Variants in COMMD1 observed in about 807,000 individuals in gnomAD.
COMMD1 encodes the protein copper metabolism domain containing 1, also known as COMM domain-containing protein 1.
COMMD1 carries 10 observed loss-of-function variants against 17.2 expected under a neutral mutation model. The ratio of observed to expected loss-of-function variants is 0.58; its 90% CI spans 0.36 to 0.99. The LOEUF is 0.99. Among genes scored for constraint, COMMD1 ranks in the 50% least tolerant of loss-of-function variants. COMMD1 has a pLI of 0.01. For synonymous variants in COMMD1, 97 were observed against 91.6 expected (o/e 1.06, Z -0.34); for missense variants, 270 against 231.8 (o/e 1.17, Z -1.07).
At chr2:62,023,016 C>A (rs1019753246) in intron 2 of COMMD1, among the ~76,000 whole-genome samples, 5 of 152,182 alleles carry the variant, frequency 3.3e-5, no homozygotes, top group African/African-American at 1.2e-4. Flanking sequence ...CACCTGAGGT[C>A]AGGAGTTCGA....
intron 2 of COMMD1, among the ~76,000 whole-genome samples, chr2:62,104,674 A>ATCCC (rs1465042111): frequency 2.6e-5 from 4 of 151,042 alleles, no homozygotes; most frequent in Non-Finnish European, 4.4e-5. Context: ...CAACAAACAC[A>ATCCC]TCCCTTACTT....
chr2:61,990,136 A>G (rs1045000074), intron 1 of COMMD1, among the ~76,000 whole-genome samples: 2 of 152,236 alleles, frequency 1.3e-5, no homozygotes, highest in Non-Finnish European at 2.9e-5. Context: ...TAGAGATAGA[A>G]TATACACTTA....
intron 2 of COMMD1, among the ~76,000 whole-genome samples, chr2:62,030,166 G>A (rs189145319): frequency 3.7e-4 from 57 of 152,312 alleles, no homozygotes; most frequent in Non-Finnish European, 4.3e-4. Flanking sequence ...GGCTCTCTCT[G>A]GGATGGGGGT....
chr2:62,011,636 G>T (rs1166493851), intron 2 of COMMD1, among the ~76,000 whole-genome samples: 3 of 152,106 alleles, frequency 2.0e-5, no homozygotes, highest in Admixed American at 6.5e-5. Flanking sequence ...CACTACATAG[G>T]AGTTGAGGAT....
At chr2:62,071,874 T>C (rs1671208526) in intron 2 of COMMD1, among the ~76,000 whole-genome samples, 1 of 151,992 alleles carries the variant, frequency 6.6e-6, no homozygotes, top group Non-Finnish European at 1.5e-5. Context: ...AAAATGGAGA[T>C]CATAAGACTG....
chr2:61,935,180 A>C (rs776885138), intron 1 of COMMD1, among the ~76,000 whole-genome samples: 7 of 152,240 alleles, frequency 4.6e-5, no homozygotes, highest in Non-Finnish European at 7.3e-5. Context: ...ACTTCAAGTC[A>C]GGAGGATGGG....
At chr2:62,056,323 TCTC>T (rs1670699352) in intron 2 of COMMD1, among the ~76,000 whole-genome samples, 1 of 152,346 alleles carries the variant, frequency 6.6e-6, no homozygotes, top group East Asian at 1.9e-4. Flanking sequence ...ACACACATCT[TCTC>T]TTATGCACAG....
At chr2:62,075,635 A>C (rs975872510) in intron 2 of COMMD1, among the ~76,000 whole-genome samples, 8 of 152,210 alleles carry the variant, frequency 5.3e-5, no homozygotes, top group African/African-American at 1.9e-4. Flanking sequence ...AAGGCTTCAT[A>C]ATTCATGAGG....
rs567465084 is a variant in COMMD1 at position 62,014,306 on chromosome 2, G to T, written c.462+13324G>T. Reference sequence around the variant, plus strand: ...TAAGAGGACTTGGAAGCAATTTTTGGATATAAATCCCTTGTCCTAAACTCA... The same window carrying T: ...TAAGAGGACTTGGAAGCAATTTTTGTATATAAATCCCTTGTCCTAAACTCA... On this transcript the variant is annotated intron_variant, in intron 2 of 2. Transcript: ENST00000311832. Among the ~76,000 whole-genome samples, 230 of 152,122 alleles carry T rather than the reference G, an allele frequency of 1.5e-3. 2 individuals carry two copies. The highest frequency in any genetic ancestry group is 4.4e-3 in the African/African-American group (181 of 41,494).
At chr2:62,038,611 G>A (rs1399617349) in intron 2 of COMMD1, among the ~76,000 whole-genome samples, 1 of 151,842 alleles carries the variant, frequency 6.6e-6, no homozygotes, top group African/African-American at 2.4e-5. Flanking sequence ...ACAGTGGCAC[G>A]ATCTTGGCTT....
intron 1 of COMMD1, among the ~76,000 whole-genome samples, chr2:61,967,976 C>A (rs1671546725): frequency 6.6e-6 from 1 of 152,138 alleles, no homozygotes; most frequent in African/African-American, 2.4e-5. Context: ...GCCTGGCCAA[C>A]ACAATGAAAC....
intron 2 of COMMD1, among the ~76,000 whole-genome samples, chr2:62,121,371 C>CAAAAAAAAAAAAAAAAAA (rs55789110): frequency 4.2e-5 from 2 of 47,230 alleles, no homozygotes; most frequent in African/African-American, 1.9e-4. Context: ...GACTCTTTCT[C>CAAAAAAAAAAAAAAAAAA]AAAAAAAAAA....
intron 2 of COMMD1, among the ~76,000 whole-genome samples, chr2:62,064,628 C>G (rs1436574779): frequency 6.6e-6 from 1 of 152,174 alleles, no homozygotes; most frequent in Non-Finnish European, 1.5e-5. Context: ...TCTCAATTCC[C>G]TCTCTGGCTT....
At position 62,000,882 on chromosome 2, in the gene COMMD1, G is replaced by A. The variant is rs375574821; in HGVS notation, c.362G>A (p.Gly121Asp). ...NQSRWNSGLRGLSWRVDGKSQ... is the reference protein window; with the variant it reads ...NQSRWNSGLRDLSWRVDGKSQ... ...AGCCGCTGGAATAGCGGGCTTCGGG[G>A]CCTGAGCTGGAGAGTTGATGGCAAG... The change falls in exon 2 of 3, where the codon GGC becomes GAC. Residue 121 changes from glycine (G) to aspartate (D), a missense_variant. Coordinates refer to ENST00000311832, the MANE Select transcript of COMMD1 (RefSeq NM_152516.4). The A allele has an allele frequency of 9.3e-6, 15 of 1,614,046 alleles. No homozygotes were observed. The African/African-American group carries it at 1.9e-4, about 20-fold the overall frequency.
chr2:61,949,504 GA>G (rs1245932251), intron 1 of COMMD1, among the ~76,000 whole-genome samples: 2 of 152,184 alleles, frequency 1.3e-5, no homozygotes, highest in Non-Finnish European at 2.9e-5. Context: ...CTTACCCATG[GA>G]TGCAATAGGT....
At chr2:61,933,706 C>T (rs1670529072) in intron 1 of COMMD1, among the ~76,000 whole-genome samples, 1 of 152,122 alleles carries the variant, frequency 6.6e-6, no homozygotes, top group South Asian at 2.1e-4. Flanking sequence ...TACCCAGTCT[C>T]AGGTATTCAG....
At chr2:62,124,334 A>G (rs764328844) in intron 2 of COMMD1, among the ~76,000 whole-genome samples, 36 of 152,122 alleles carry the variant, frequency 2.4e-4, no homozygotes, top group Non-Finnish European at 5.3e-4. Flanking sequence ...AGTTCCTGCC[A>G]ATAGTCCTAA....
Position 61,917,314 on chromosome 2 carries a change from GC to G in COMMD1, c.180+11458del, listed in dbSNP as rs1365948926. 2.0e-5 allele frequency among the ~76,000 whole-genome samples: 3 copies of G among 151,234 alleles called. No homozygotes were observed. In the East Asian group the frequency reaches 5.9e-4, roughly 30 times the overall value. On this transcript the variant is annotated intron_variant, in intron 1 of 2. Coordinates refer to ENST00000311832, the MANE Select transcript of COMMD1 (RefSeq NM_152516.4). The stretch of plus-strand genomic sequence containing the variant: ...GGAGGTTGCAGTGAGCCGAGATTGT[GC>G]CACTGTACTCCAGCCTGGGAGACAG...
intron 2 of COMMD1, among the ~76,000 whole-genome samples, chr2:62,035,432 G>C (rs1670012423): frequency 6.6e-6 from 1 of 152,122 alleles, no homozygotes; most frequent in African/African-American, 2.4e-5. Context: ...TGTATAAGCT[G>C]TAGCAATCAA....
Sources: allele counts gnomAD v4.1 joint callset (sites outside exome capture counted in the v4.1 genomes callset), GRCh38; gene constraint gnomAD v4.1.1; transcripts MANE v1.5; gene names NCBI Gene and HGNC (gene_info 2026-07-23, HGNC 2026-07-21).